The following AHRR variants were observed in gnomAD, a reference collection of about 807,000 sequenced individuals.
The protein encoded by AHRR is aryl hydrocarbon receptor repressor, also known as ahR repressor.
In AHRR, 28 loss-of-function variants were observed where a neutral mutation model predicts 44.0. The observed-to-expected ratio is 0.64, with a 90% CI of 0.47 to 0.87. The LOEUF is 0.87. AHRR is among the 40% of genes least tolerant of loss of function. AHRR has a pLI of 0.00. For missense variants in AHRR, 990 were observed against 953.9 expected (o/e 1.04, Z -0.50); for synonymous variants, 434 against 407.0 (o/e 1.07, Z -0.80).
chr5:362,851 G>A (rs1455404118), intron 3 of AHRR, among the ~76,000 whole-genome samples: 2 of 152,210 alleles, frequency 1.3e-5, no homozygotes, highest in Admixed American at 1.3e-4. Context: ...ATTCCTGAAG[G>A]AAGCTGACCA....
intron 2 of AHRR, among the ~76,000 whole-genome samples, chr5:347,818 G>T (rs1424647157): frequency 6.6e-6 from 1 of 152,228 alleles, no homozygotes; most frequent in Non-Finnish European, 1.5e-5. Flanking sequence ...GTTGAGTCTG[G>T]GTGCCCATCC....
chr5:328,071 G>A (rs375752296), intron 1 of AHRR, among the ~76,000 whole-genome samples: 8 of 152,074 alleles, frequency 5.3e-5, no homozygotes, highest in African/African-American at 1.9e-4. Context: ...TGCTGAGAAT[G>A]ATGGTTTCCA....
Position 420,290 on chromosome 5 carries a change from C to T in AHRR, c.442-2439C>T, listed in dbSNP as rs139332062. 2.3e-3 allele frequency among the ~76,000 whole-genome samples: 357 copies of T among 152,338 alleles called. 1 individual carries two copies. Among genetic ancestry groups the T allele is most frequent in the African/African-American group, 8.3e-3 (344 of 41,564 alleles). ...ACAGGATGGGATGGAAGCCTAAACC[C>T]AGCATTCCTTACTAGCCCCTGAATT... On this transcript the variant is annotated intron_variant, in intron 5 of 10. Coordinates refer to ENST00000684583, the MANE Select transcript of AHRR (RefSeq NM_001377236.1).
At chr5:366,479 A>G (rs1419240247) in intron 3 of AHRR, among the ~76,000 whole-genome samples, 1 of 152,218 alleles carries the variant, frequency 6.6e-6, no homozygotes, top group African/African-American at 2.4e-5. Flanking sequence ...AGGCTAATTA[A>G]TGGCTATAAG....
intron 3 of AHRR, among the ~76,000 whole-genome samples, chr5:359,691 G>A (rs529019079): frequency 1.4e-4 from 22 of 152,212 alleles, no homozygotes; most frequent in Admixed American, 4.6e-4. Context: ...CCACTGTGGG[G>A]CCTGAACACA....
At chr5:378,687 G>A (rs1219754539) in intron 4 of AHRR, among the ~76,000 whole-genome samples, 1 of 152,184 alleles carries the variant, frequency 6.6e-6, no homozygotes, top group Non-Finnish European at 1.5e-5. Context: ...AAGGAGGAGG[G>A]CTCCAAAGAC....
intron 8 of AHRR, 99 bp downstream of exon 8, chr5:428,105 C>G (rs1223481810): frequency 6.0e-6 from 8 of 1,343,190 alleles, no homozygotes; most frequent in Non-Finnish European, 8.3e-6. Context: ...TTCTTCATTT[C>G]CAGCCAGTAA....
intron 6 of AHRR, among the ~76,000 whole-genome samples, chr5:423,441 G>A (rs542582963): frequency 2.0e-5 from 3 of 152,136 alleles, no homozygotes; most frequent in African/African-American, 2.4e-5. Flanking sequence ...ACACCTGCCC[G>A]CGGTCCTGTG....
At chr5:433,420 C>G (rs2126551578) in intron 10 of AHRR, among the ~76,000 whole-genome samples, 1 of 152,330 alleles carries the variant, frequency 6.6e-6, no homozygotes, top group African/African-American at 2.4e-5. Context: ...CAGTGCCAGT[C>G]CCAAGGCACG....
intron 2 of AHRR, among the ~76,000 whole-genome samples, chr5:344,304 A>C (rs1210262938): frequency 6.6e-6 from 1 of 150,680 alleles, no homozygotes. Flanking sequence ...CAGGCTCCGC[A>C]GGCGAGACCG....
intron 3 of AHRR, among the ~76,000 whole-genome samples, chr5:362,912 C>T (rs1743230197): frequency 1.3e-5 from 2 of 152,338 alleles, no homozygotes; most frequent in African/African-American, 4.8e-5. Context: ...CCCAGCAAAC[C>T]TCCTTTGTGG....
At chr5:373,373 G>C (rs970111446) in intron 3 of AHRR, among the ~76,000 whole-genome samples, 6 of 152,244 alleles carry the variant, frequency 3.9e-5, no homozygotes, top group African/African-American at 1.4e-4. Context: ...GGACCAGCAG[G>C]CCGGGCGGTG....
At chr5:422,393 A>G (rs1401532199) in intron 5 of AHRR, 1 of 368,230 alleles carries the variant, frequency 2.7e-6, no homozygotes, top group Non-Finnish European at 5.2e-6. Flanking sequence ...CCGAGTCACA[A>G]AGAGTCCAAG....
chr5:390,269 G>C (rs1734356177), intron 4 of AHRR, among the ~76,000 whole-genome samples: 1 of 152,152 alleles, frequency 6.6e-6, no homozygotes, highest in African/African-American at 2.4e-5. Context: ...TGACCGTTAT[G>C]CATCACACGC....
chr5:336,428 G>A (rs1377335265), intron 1 of AHRR, among the ~76,000 whole-genome samples: 2 of 152,166 alleles, frequency 1.3e-5, no homozygotes, highest in African/African-American at 2.4e-5. Flanking sequence ...TGGATGAGGT[G>A]TGCTTGAAAT....
At chr5:362,334 T>C (rs975756954) in intron 3 of AHRR, among the ~76,000 whole-genome samples, 5 of 152,344 alleles carry the variant, frequency 3.3e-5, no homozygotes, top group South Asian at 4.1e-4. Context: ...GTTTAAATCA[T>C]TTTGTTACAG....
intron 8 of AHRR, among the ~76,000 whole-genome samples, chr5:429,675 G>A (rs1373850786): frequency 2.6e-5 from 4 of 152,250 alleles, no homozygotes; most frequent in African/African-American, 9.6e-5. Flanking sequence ...CTTTGTTCGT[G>A]GCCTCCCCAC....
intron 4 of AHRR, among the ~76,000 whole-genome samples, chr5:399,744 T>G (rs971829773): frequency 6.6e-6 from 1 of 152,164 alleles, no homozygotes; most frequent in Admixed American, 6.5e-5. Context: ...GGGGCTGCAG[T>G]GGGCGTCAGG....
chr5:332,871 T>C lies in AHRR; in HGVS notation c.-10-11022T>C, dbSNP rs540338866. ...ATGTTGGATGCATATGTATGTAGAA[T>C]TGTTTTATCCTCTTGCCTAATTGAT... On this transcript the variant is annotated intron_variant, in intron 1 of 10. Coordinates refer to ENST00000684583, the MANE Select transcript of AHRR (RefSeq NM_001377236.1). 7.2e-4 allele frequency among the ~76,000 whole-genome samples: 109 copies of C among 152,226 alleles called. No homozygotes were observed. The South Asian group carries it at 0.011, about 15-fold the overall frequency.
Sources: allele counts gnomAD v4.1 joint callset (sites outside exome capture counted in the v4.1 genomes callset), GRCh38; gene constraint gnomAD v4.1.1; transcripts MANE v1.5; gene names NCBI Gene and HGNC (gene_info 2026-07-23, HGNC 2026-07-21).